RAPGEF4: variants seen among roughly 807,000 people sequenced by gnomAD.
RAPGEF4 encodes RAP guanine-nucleotide-exchange factor (GEF) 4.
In RAPGEF4, 66 loss-of-function variants were observed where a neutral mutation model predicts 147.9. The ratio of observed to expected loss-of-function variants is 0.45; its 90% confidence interval spans 0.37 to 0.55. The LOEUF is 0.55. RAPGEF4 is among the 20% of genes least tolerant of loss of function. The pLI is 0.00. For synonymous variants in RAPGEF4, 419 were observed against 442.7 expected (o/e 0.95, Z 0.67); for missense variants, 1,071 against 1,257.3 (o/e 0.85, Z 2.24).
chr2:172,761,984 T>G (rs1370518307), intron 1 of RAPGEF4, among the ~76,000 whole-genome samples: 1 of 151,896 alleles, frequency 6.6e-6, no homozygotes, highest in African/African-American at 2.4e-5. Context: ...TAGCCAAGGG[T>G]GGTAACGAGC....
In RAPGEF4 at chr2:172,898,822, A is replaced by G. The variant is rs1037195748; in HGVS notation, c.445-18980A>G. 5.9e-5 allele frequency among the ~76,000 whole-genome samples: 9 copies of G among 152,230 alleles called. No individual in the cohort carries two copies. In the South Asian group the frequency reaches 1.0e-3, roughly 18 times the overall value. On this transcript the variant is annotated intron_variant, in intron 4 of 30. Coordinates refer to ENST00000397081, the MANE Select transcript of RAPGEF4 (RefSeq NM_007023.4). ...GAAGGGAGGAGAGTCCTTTTTGTCC[A>G]GATTAGCTGTGTGCCACGTGTTTAG...
At chr2:172,914,350 T>C (rs1683804612) in intron 4 of RAPGEF4, among the ~76,000 whole-genome samples, 1 of 50,298 alleles carries the variant, frequency 2.0e-5, no homozygotes, top group African/African-American at 6.5e-5. Context: ...TTTTTTTTTT[T>C]TGGAGACAGA....
intron 30 of RAPGEF4, among the ~76,000 whole-genome samples, chr2:173,050,786 G>A (rs1200163790): frequency 6.7e-6 from 1 of 150,250 alleles, no homozygotes; most frequent in Non-Finnish European, 1.5e-5. Context: ...GGAAGATCTG[G>A]CAACTCTAGG....
chr2:172,766,829 T>C (rs1696893521), intron 1 of RAPGEF4, among the ~76,000 whole-genome samples: 1 of 152,246 alleles, frequency 6.6e-6, no homozygotes, highest in African/African-American at 2.4e-5. Flanking sequence ...GTTGAATGTA[T>C]CAACAACTCA....
At chr2:172,868,973 A>G (rs933192245) in intron 4 of RAPGEF4, among the ~76,000 whole-genome samples, 11 of 152,220 alleles carry the variant, frequency 7.2e-5, no homozygotes, top group African/African-American at 2.4e-4. Context: ...GGCTCAAGCC[A>G]TCCTCCCGCC....
In RAPGEF4 at chr2:173,026,662, A is replaced by G; in HGVS notation, c.2344A>G (p.Ile782Val). The change falls in exon 24 of 31, where the codon ATT (isoleucine) becomes GTT (valine). Residue 782 changes from isoleucine to valine, a missense_variant. Coordinates refer to ENST00000397081, the MANE Select transcript of RAPGEF4 (RefSeq NM_007023.4). ...SSKDLAYQMT[I>V]YDWELFNCVH... ...CAAAGATTTAGCATACCAGATGACAATTTATGATTGGGAACTCTTCAACTG... is the reference window on the plus strand; with the variant it reads ...CAAAGATTTAGCATACCAGATGACAGTTTATGATTGGGAACTCTTCAACTG... The G allele has an allele frequency of 6.2e-7, 1 of 1,614,098 alleles. No individual in the cohort carries two copies. Among genetic ancestry groups the G allele is most frequent in the African/African-American group, 1.3e-5 (1 of 75,048 alleles).
chr2:172,764,495 C>T (rs758435449), intron 1 of RAPGEF4, among the ~76,000 whole-genome samples: 1 of 152,082 alleles, frequency 6.6e-6, no homozygotes, highest in Admixed American at 6.5e-5. Flanking sequence ...GAAATGTAGT[C>T]GAAGGAGTGT....
chr2:172,894,920 A>G (rs564239985), intron 4 of RAPGEF4, among the ~76,000 whole-genome samples: 1 of 152,154 alleles, frequency 6.6e-6, no homozygotes, highest in East Asian at 1.9e-4. Flanking sequence ...ATTGGACTTG[A>G]ACTGTCTTGA....
chr2:172,929,139 T>A (rs1304822959), intron 6 of RAPGEF4, among the ~76,000 whole-genome samples: 1 of 152,236 alleles, frequency 6.6e-6, no homozygotes, highest in African/African-American at 2.4e-5. Context: ...TGTGTTTGAA[T>A]TTTTATTGTT....
intron 4 of RAPGEF4, among the ~76,000 whole-genome samples, chr2:172,888,863 C>T (rs1412919025): frequency 6.6e-6 from 1 of 152,124 alleles, no homozygotes; most frequent in Non-Finnish European, 1.5e-5. Flanking sequence ...CAGTTAACTG[C>T]TGGATGCTTC....
At chr2:172,956,859 T>A (rs1441358017) in intron 6 of RAPGEF4, among the ~76,000 whole-genome samples, 1 of 152,208 alleles carries the variant, frequency 6.6e-6, no homozygotes, top group Non-Finnish European at 1.5e-5. Context: ...GAATATTTAT[T>A]GCTGGAAATT....
intron 6 of RAPGEF4, among the ~76,000 whole-genome samples, chr2:172,946,184 A>G (rs1687661367): frequency 6.6e-6 from 1 of 152,230 alleles, no homozygotes; most frequent in Admixed American, 6.5e-5. Context: ...AGCATTATGT[A>G]AAAAGGAAAG....
At chr2:172,824,246 C>G (rs771598325) in intron 4 of RAPGEF4, among the ~76,000 whole-genome samples, 1 of 152,056 alleles carries the variant, frequency 6.6e-6, no homozygotes, top group Non-Finnish European at 1.5e-5. Flanking sequence ...ATTTCCATGC[C>G]GGGACTTTTG....
chr2:172,968,427 G>A (rs1426421201), intron 10 of RAPGEF4, among the ~76,000 whole-genome samples: 2 of 152,126 alleles, frequency 1.3e-5, no homozygotes, highest in South Asian at 4.1e-4. Flanking sequence ...CTCCCCAGAG[G>A]CTGCCCCTCA....
intron 8 of RAPGEF4, among the ~76,000 whole-genome samples, chr2:172,963,027 TGGCAGAG>T (rs1049568850): frequency 5.3e-5 from 8 of 152,078 alleles, no homozygotes; most frequent in African/African-American, 1.9e-4. Context: ...CCTACAATCA[TGGCAGAG>T]GGCAAAGGGG....
At chr2:172,868,305 A>G (rs1045744063) in intron 4 of RAPGEF4, among the ~76,000 whole-genome samples, 2 of 152,230 alleles carry the variant, frequency 1.3e-5, no homozygotes, top group Non-Finnish European at 2.9e-5. Flanking sequence ...TTCAAGGTTC[A>G]TTTGAAATTC....
At chr2:172,799,528 C>CT (rs780618199) in intron 3 of RAPGEF4, among the ~76,000 whole-genome samples, 29 of 152,194 alleles carry the variant, frequency 1.9e-4, no homozygotes, top group Non-Finnish European at 2.9e-4. Flanking sequence ...CTGGTGGGGA[C>CT]TCTCTGGGCT....
chr2:172,827,472 C>T (rs1478897321), intron 4 of RAPGEF4, among the ~76,000 whole-genome samples: 1 of 152,092 alleles, frequency 6.6e-6, no homozygotes, highest in Non-Finnish European at 1.5e-5. Context: ...AGTCATATAA[C>T]CTCTTCCTTT....
At chr2:172,947,071 C>T (rs1687747633) in intron 6 of RAPGEF4, among the ~76,000 whole-genome samples, 1 of 152,200 alleles carries the variant, frequency 6.6e-6, no homozygotes, top group Admixed American at 6.5e-5. Context: ...CTTGTACCTC[C>T]AGAAGCCTCT....
Sources: allele counts gnomAD v4.1 joint callset (sites outside exome capture counted in the v4.1 genomes callset), GRCh38; gene constraint gnomAD v4.1.1; transcripts MANE v1.5; gene names NCBI Gene and HGNC (gene_info 2026-07-23, HGNC 2026-07-21).